Variants in ZFHX4 observed in about 807,000 individuals in gnomAD.
ZFHX4 encodes zinc finger homeobox protein 4.
In ZFHX4, 56 loss-of-function variants were observed where a neutral mutation model predicts 267.6. The observed-to-expected ratio is 0.21, with a 90% CI of 0.17 to 0.26. The LOEUF is 0.26. ZFHX4 is among the 10% of genes least tolerant of loss of function. ZFHX4 has a pLI of 1.00. For missense variants in ZFHX4, 4,332 were observed against 4,420.0 expected (o/e 0.98, Z 0.56); for synonymous variants, 1,778 against 1,665.6 (o/e 1.07, Z -1.64).
intron 1 of ZFHX4, among the ~76,000 whole-genome samples, chr8:76,685,202 CT>C (rs1435718176): frequency 2.0e-5 from 3 of 152,220 alleles, no homozygotes; most frequent in African/African-American, 7.2e-5. Context: ...GTTAGATTGG[CT>C]CTGACTTCAC....
intron 7 of ZFHX4, 23 bp from the exon 8 acceptor site, chr8:76,849,489 C>T (rs1184456426): frequency 1.9e-6 from 3 of 1,585,534 alleles, no homozygotes; most frequent in South Asian, 1.1e-5. Flanking sequence ...TAATAGTGGC[C>T]ATGTTTATTC....
chr8:76,838,862 C>G (rs1243869449), intron 5 of ZFHX4, among the ~76,000 whole-genome samples: 1 of 152,018 alleles, frequency 6.6e-6, no homozygotes, highest in Non-Finnish European at 1.5e-5. Context: ...TGAAACCAGC[C>G]TGGCCAACAT....
chr8:76,849,768 T>C (rs1362900600), intron 8 of ZFHX4, 56 bp downstream of exon 8: 3 of 1,493,430 alleles, frequency 2.0e-6, no homozygotes, highest in Admixed American at 1.8e-5. Flanking sequence ...GGAATATCAA[T>C]ATAAAATCTG....
chr8:76,777,761 GT>G (rs1193726979), intron 3 of ZFHX4, among the ~76,000 whole-genome samples: 1 of 151,664 alleles, frequency 6.6e-6, no homozygotes, highest in African/African-American at 2.4e-5. Flanking sequence ...TATGGTTAAA[GT>G]TTTCATCTTA....
chr8:76,854,175 C>G lies in ZFHX4; in HGVS notation c.7254C>G (p.Pro2418=). 6.3e-7 allele frequency: 1 copy of G among 1,586,152 alleles called. No homozygotes were observed. The highest frequency in any genetic ancestry group is 8.6e-7 in the Non-Finnish European group (1 of 1,166,210). ...YPAEKPKQSD[P]SPPSQGTKPA... is the part of the protein sequence containing the mutation. ...CAGAAAAGCCAAAGCAGAGTGACCC[C>G]TCTCCCCCTTCTCAAGGCACCAAAC... Residue 2418 remains proline, a synonymous_variant, in exon 10 of 11, where the codon CCC becomes CCG. Coordinates refer to ENST00000651372, the MANE Select transcript of ZFHX4 (RefSeq NM_024721.5).
chr8:76,843,638 T>C (rs1812294183), intron 6 of ZFHX4, among the ~76,000 whole-genome samples: 1 of 152,160 alleles, frequency 6.6e-6, no homozygotes, highest in Admixed American at 6.6e-5. Flanking sequence ...TTTTATTATG[T>C]TGGACTCATT....
intron 6 of ZFHX4, 51 bp from the exon 7 acceptor site, chr8:76,848,944 T>G: frequency 7.0e-7 from 1 of 1,436,626 alleles, no homozygotes; most frequent in Non-Finnish European, 9.2e-7. Flanking sequence ...ATTTTTCTCA[T>G]TTCGGAATTG....
At chr8:76,682,572 G>T (rs1284399111) in intron 1 of ZFHX4, 1 of 152,392 alleles carries the variant, frequency 6.6e-6, no homozygotes, top group East Asian at 1.9e-4. Flanking sequence ...GCGGCTGCTT[G>T]CTCCGAACGG....
chr8:76,836,626 T>C (rs1444774417), intron 5 of ZFHX4, among the ~76,000 whole-genome samples: 1 of 152,060 alleles, frequency 6.6e-6, no homozygotes, highest in Non-Finnish European at 1.5e-5. Flanking sequence ...GAGTGTAGCA[T>C]AACATGCAGC....
intron 5 of ZFHX4, among the ~76,000 whole-genome samples, chr8:76,835,328 A>G (rs1012667045): frequency 2.7e-5 from 4 of 149,232 alleles, no homozygotes; most frequent in African/African-American, 9.8e-5. Context: ...ATAATTTAAA[A>G]GGAAATTCAC....
At chr8:76,857,354 T>TTA (rs10576780) in intron 10 of ZFHX4, among the ~76,000 whole-genome samples, 12,875 of 143,184 alleles carry the variant, frequency 0.09, 607 homozygotes, top group Admixed American at 0.1. Context: ...TTCACTAATT[T>TTA]TATATATATA....
At chr8:76,819,175 A>T (rs1193122717) in intron 4 of ZFHX4, among the ~76,000 whole-genome samples, 1 of 149,030 alleles carries the variant, frequency 6.7e-6, no homozygotes, top group Non-Finnish European at 1.5e-5. Flanking sequence ...ACTCACAAAA[A>T]GTATTCATTT....
intron 3 of ZFHX4, among the ~76,000 whole-genome samples, chr8:76,756,544 G>C (rs762564220): frequency 5.3e-5 from 8 of 151,936 alleles, no homozygotes; most frequent in Non-Finnish European, 8.8e-5. Context: ...AATATATTTT[G>C]TCTAATTTTA....
chr8:76,682,642 C>A (rs1484523776), intron 1 of ZFHX4: 1 of 152,684 alleles, frequency 6.5e-6, no homozygotes, highest in East Asian at 1.9e-4. Flanking sequence ...GGTCAAGAAT[C>A]TTTTCCTTTT....
rs1337712812 is a variant in ZFHX4, at chr8:76,706,609, G to A, written c.2521G>A (p.Asp841Asn). 1.2e-6 allele frequency: 2 copies of A among 1,607,942 alleles called. No homozygotes were observed. Among genetic ancestry groups the A allele is most frequent in the Non-Finnish European group, 1.7e-6 (2 of 1,177,426 alleles). Residue 841 changes from aspartate (D) to asparagine (N), a missense_variant, in exon 2 of 11, where the codon GAC (aspartate) becomes AAC (asparagine). Physicochemically the swap from Asp to Asn is conservative, Grantham distance 23 (BLOSUM62 1). Transcript: ENST00000651372. ...CGGAATGAAGCTGGAAAACCCTGCC[G>A]ACCCTCAGCTGATGATCAATCCATT... Reference protein sequence around the residue: ...LTGMKLENPADPQLMINPFQL... With the variant: ...LTGMKLENPANPQLMINPFQL...
intron 5 of ZFHX4, among the ~76,000 whole-genome samples, chr8:76,834,783 T>C (rs1260043302): frequency 6.6e-6 from 1 of 152,044 alleles, no homozygotes; most frequent in Non-Finnish European, 1.5e-5. Context: ...CTTTCATAGA[T>C]TATGCCTTTA....
intron 4 of ZFHX4, among the ~76,000 whole-genome samples, chr8:76,779,035 T>A (rs1209692500): frequency 1.3e-5 from 2 of 152,158 alleles, no homozygotes; most frequent in African/African-American, 4.8e-5. Context: ...ACTGAATTAA[T>A]CTCTGTTCCC....
intron 3 of ZFHX4, among the ~76,000 whole-genome samples, chr8:76,718,458 A>T (rs1333294900): frequency 6.6e-6 from 1 of 151,802 alleles, no homozygotes; most frequent in African/African-American, 2.4e-5. Flanking sequence ...TAGGTAATTT[A>T]AAAAACCCGC....
At chr8:76,754,530 A>G (rs1809713363) in intron 3 of ZFHX4, among the ~76,000 whole-genome samples, 1 of 152,074 alleles carries the variant, frequency 6.6e-6, no homozygotes, top group African/African-American at 2.4e-5. Context: ...TACACAGCAT[A>G]CATTTTTTGT....
Sources: allele counts gnomAD v4.1 joint callset (sites outside exome capture counted in the v4.1 genomes callset), GRCh38; gene constraint gnomAD v4.1.1; transcripts MANE v1.5; gene names NCBI Gene and HGNC (gene_info 2026-07-23, HGNC 2026-07-21).